Variants in IRF2 observed in about 807,000 individuals in gnomAD.
IRF2 encodes interferon regulatory factor 2.
Under a neutral mutation model 40.6 loss-of-function variants are expected in IRF2, and 15 were observed. That is an observed-to-expected ratio of 0.37 (90% CI 0.25 to 0.57). The LOEUF is 0.57. IRF2 is among the 20% of genes least tolerant of loss of function. The pLI is 0.77. For missense variants in IRF2, 317 were observed against 455.7 expected, an observed-to-expected ratio of 0.70 and a Z score of 2.77; for synonymous variants, 151 against 165.5, an observed-to-expected ratio of 0.91 and a Z score of 0.67.
intron 5 of IRF2, among the ~76,000 whole-genome samples, chr4:184,412,653 A>C (rs1579823393): frequency 6.6e-6 from 1 of 152,340 alleles, no homozygotes; most frequent in African/African-American, 2.4e-5. Flanking sequence ...AATGCCACTG[A>C]CAACAGAAGC....
At chr4:184,438,582 G>A (rs1420508115) in intron 1 of IRF2, among the ~76,000 whole-genome samples, 1 of 152,114 alleles carries the variant, frequency 6.6e-6, no homozygotes, top group Non-Finnish European at 1.5e-5. Flanking sequence ...GCATGTGGAC[G>A]GCAGAGAGAG....
Position 184,403,430 on chromosome 4 carries a change from T to C in IRF2, c.530-4351A>G, listed in dbSNP as rs144180779. ...GCACTCCTCTGGGTACCAAAGAGTGTCCTGACTGAATAATGACAAAACCTG... is the reference window on the plus strand; with the variant it reads ...GCACTCCTCTGGGTACCAAAGAGTGCCCTGACTGAATAATGACAAAACCTG... On this transcript the variant is annotated intron_variant, in intron 6 of 8. Transcript: ENST00000393593. Among the ~76,000 whole-genome samples, 114 of 152,240 alleles carry C rather than the reference T, an allele frequency of 7.5e-4. 3 individuals are homozygous for C. In the East Asian group the frequency reaches 0.021, roughly 29 times the overall value.
chr4:184,439,296 C>CAGTTTTT (rs1561113812), intron 1 of IRF2, among the ~76,000 whole-genome samples: 1 of 136,916 alleles, frequency 7.3e-6, no homozygotes. Context: ...CCTTGCAATG[C>CAGTTTTT]TATTACCTTA....
In IRF2 at chr4:184,395,340, G is replaced by A. The variant is rs528641625; in HGVS notation, c.694+3575C>T. ...AGGCAGGAGAATGGCGTGAACCCGGGAGGTGGAGCTTGCAGTGAGCCGAGA... is the reference window on the plus strand; with the variant it reads ...AGGCAGGAGAATGGCGTGAACCCGGAAGGTGGAGCTTGCAGTGAGCCGAGA... On this transcript the variant is annotated intron_variant, in intron 7 of 8. Transcript: ENST00000393593. Among the ~76,000 whole-genome samples the A allele has an allele frequency of 3.8e-4, 58 of 151,054 alleles. No individual in the cohort carries two copies. The South Asian group carries it at 4.2e-3, about 11-fold the overall frequency.
At chr4:184,437,374 T>C (rs1346505370) in intron 1 of IRF2, among the ~76,000 whole-genome samples, 2 of 152,168 alleles carry the variant, frequency 1.3e-5, no homozygotes, top group African/African-American at 4.8e-5. Context: ...TAAAATATTT[T>C]TGTAGAAACA....
rs1736954524 is a variant in IRF2, at chr4:184,408,664, AC to A, written c.412-390del. Among the ~76,000 whole-genome samples, 1 of 152,250 alleles carries A rather than the reference AC, an allele frequency of 6.6e-6. No individual in the cohort carries two copies. The highest frequency in any genetic ancestry group is 2.4e-5 in the African/African-American group (1 of 41,458). On this transcript the variant is annotated intron_variant, in intron 5 of 8. Transcript: ENST00000393593. This position sits in a 1 kb window ranked among gnomAD's most constrained non-coding sequence, Gnocchi z 4.9. ...TCAAAAGAATCAATGCCTGGCTTTC[AC>A]CAGGGAGGAATCATGCTACCTCTTT... is the stretch of plus-strand genomic sequence containing the variant.
At chr4:184,464,857 C>G (rs977474683) in intron 1 of IRF2, among the ~76,000 whole-genome samples, 1 of 151,916 alleles carries the variant, frequency 6.6e-6, no homozygotes, top group Non-Finnish European at 1.5e-5. Flanking sequence ...CCTTTTTCTT[C>G]TTCTTTTTTT....
chr4:184,418,066 A>T, intron 5 of IRF2, 101 bp downstream of exon 5: 1 of 855,850 alleles, frequency 1.2e-6, no homozygotes, highest in Middle Eastern at 2.2e-4. Flanking sequence ...AAAGGAAGAA[A>T]GAGGACACAC....
chr4:184,411,735 AG>A (rs1214601653), intron 5 of IRF2, among the ~76,000 whole-genome samples: 2 of 152,088 alleles, frequency 1.3e-5, no homozygotes, highest in Non-Finnish European at 2.9e-5. Flanking sequence ...AATGAAGAAA[AG>A]GGGTGTGGAG....
intron 1 of IRF2, among the ~76,000 whole-genome samples, chr4:184,439,817 A>T (rs180988113): frequency 4.6e-4 from 70 of 152,300 alleles, no homozygotes; most frequent in Non-Finnish European, 1.0e-4. Context: ...ACCATAATCG[A>T]GCAAACTGAC....
chr4:184,402,870 T>C (rs1372771123), intron 6 of IRF2, among the ~76,000 whole-genome samples: 1 of 152,204 alleles, frequency 6.6e-6, no homozygotes, highest in Non-Finnish European at 1.5e-5. Flanking sequence ...TGAGTGCGTC[T>C]GTCAACATTT....
At chr4:184,390,513 C>T (rs1007057761) in intron 8 of IRF2, among the ~76,000 whole-genome samples, 190 bp downstream of exon 8, 22 of 152,192 alleles carry the variant, frequency 1.4e-4, no homozygotes, top group African/African-American at 4.1e-4. Context: ...TCAGTTCCAA[C>T]GCCGAATTTT....
intron 5 of IRF2, among the ~76,000 whole-genome samples, chr4:184,412,682 G>A (rs1737120985): frequency 6.6e-6 from 1 of 152,182 alleles, no homozygotes; most frequent in African/African-American, 2.4e-5. Flanking sequence ...GACAGGCTGG[G>A]GCCTCCTGCC....
At chr4:184,407,270 A>G (rs1561090514) in intron 6 of IRF2, 1 of 1,264,518 alleles carries the variant, frequency 7.9e-7, no homozygotes, top group Non-Finnish European at 1.0e-6. Flanking sequence ...CATACACACA[A>G]CAAAAATTCA....
intron 1 of IRF2, among the ~76,000 whole-genome samples, chr4:184,460,639 ACGCACACACACACACACATGCACG>A: frequency 2.1e-5 from 3 of 143,186 alleles, no homozygotes. Flanking sequence ...ACACGCATGC[ACGCACACACACACACACATGCACG>A]CGCACACACA....
intron 1 of IRF2, among the ~76,000 whole-genome samples, chr4:184,440,196 T>C (rs1579090139): frequency 6.6e-6 from 1 of 152,162 alleles, no homozygotes; most frequent in East Asian, 1.9e-4. Context: ...CACCAAGGGG[T>C]GCAGTCTCCA....
chr4:184,420,053 A>C (rs1323693736), intron 2 of IRF2, among the ~76,000 whole-genome samples: 2 of 152,146 alleles, frequency 1.3e-5, no homozygotes, highest in African/African-American at 4.8e-5. Flanking sequence ...TTTTTGGTAG[A>C]GATGGGGTTT....
intron 1 of IRF2, among the ~76,000 whole-genome samples, chr4:184,459,983 ACC>A (rs752664504): frequency 1.3e-5 from 2 of 152,242 alleles, no homozygotes; most frequent in Non-Finnish European, 2.9e-5. Context: ...TTACCGTATG[ACC>A]CAGCCATTCT....
At chr4:184,428,649 AT>A (rs1332993523) in intron 2 of IRF2, 1 of 454,852 alleles carries the variant, frequency 2.2e-6, no homozygotes, top group Admixed American at 2.4e-5. Context: ...AAATACAAAA[AT>A]TGGCCAGGTG....
Sources: gnomAD v4.1 joint callset for allele counts (sites outside exome capture counted in the v4.1 genomes callset) on GRCh38, gnomAD v4.1.1 for gene constraint, Gnocchi (gnomAD v3.1) non-coding constraint, MANE v1.5 for transcripts, NCBI Gene and HGNC (gene_info 2026-07-23, HGNC 2026-07-21) for gene names.